SETD9: variants seen among roughly 807,000 people sequenced by gnomAD.
The protein encoded by SETD9 is SET domain containing 9.
A neutral mutation model predicts 36.4 loss-of-function variants in SETD9; 37 were observed. The ratio of observed to expected loss-of-function variants is 1.02; its 90% confidence interval spans 0.78 to 1.34. The LOEUF (loss-of-function observed/expected upper bound fraction) is 1.34. Ranked by LOEUF, SETD9 falls within the 40% of genes most tolerant of loss-of-function variation. The probability of loss-of-function intolerance (pLI) is 0.00; values close to 1 mark genes in which losing one functional copy is unlikely to be tolerated. For synonymous variants in SETD9, 128 were observed against 132.9 expected, an observed-to-expected ratio of 0.96 and a Z score of 0.26; for missense variants, 323 against 353.2, an observed-to-expected ratio of 0.91 and a Z score of 0.69.
At chr5:56,910,883 C>T (rs1008691227) in intron 1 of SETD9, 3 of 211,878 alleles carry the variant, frequency 1.4e-5, no homozygotes, top group South Asian at 2.0e-4. Flanking sequence ...AACAAGTTCC[C>T]TAACAATTTT....
downstream of SETD9, chr5:56,917,349 T>C (rs1749481458): frequency 5.1e-6 from 5 of 979,802 alleles, no homozygotes; most frequent in South Asian, 2.4e-4. Flanking sequence ...CATGAGTAAA[T>C]TGGTGTGTCT....
At chr5:56,928,799 C>CA (rs1750127445), downstream of SETD9, 1 of 1,613,404 alleles carries the variant, frequency 6.2e-7, no homozygotes, top group South Asian at 1.1e-5. Context: ...AAATCTTTTC[C>CA]AAAAAGCATG....
intron 5 of SETD9, 76 bp downstream of exon 5, chr5:56,915,042 A>G: frequency 8.8e-7 from 1 of 1,131,630 alleles, no homozygotes; most frequent in Non-Finnish European, 1.2e-6. Flanking sequence ...AAAGCTATGT[A>G]GAATTTGGGG....
intron 1 of SETD9, 119 bp downstream of exon 1, chr5:56,909,862 C>A: frequency 1.1e-5 from 1 of 90,294 alleles, no homozygotes; most frequent in Non-Finnish European, 1.7e-5. Flanking sequence ...TGGGCGGGCC[C>A]GGGTGGGCAG....
chr5:56,909,547 G>A, upstream of SETD9: 2 of 856,112 alleles, frequency 2.3e-6, no homozygotes, highest in South Asian at 3.9e-5. Context: ...CCAGGGGAAG[G>A]CGGCCGAGCG....
intron 4 of SETD9, 120 bp from the exon 5 acceptor site, chr5:56,914,741 A>ACTACTAT (rs1389298768): frequency 3.9e-6 from 2 of 507,830 alleles, no homozygotes; most frequent in Admixed American, 6.9e-5. Context: ...ACATAGTAGT[A>ACTACTAT]ATTATTTTGA....
chr5:56,920,290 CAACT>C (rs1437588307), downstream of SETD9: 2 of 152,396 alleles, frequency 1.3e-5, no homozygotes, highest in African/African-American at 2.4e-5. Flanking sequence ...AGATGAAGTA[CAACT>C]AACAAATGTA....
In SETD9 at chr5:56,914,966, G is replaced by A. The variant is rs1050743681; in HGVS notation, c.812G>A (p.Ser271Asn). 12 of 1,578,840 alleles carry A rather than the reference G, an allele frequency of 7.6e-6. 1 individual carries two copies. The highest frequency in any genetic ancestry group is 1.7e-5 in the Admixed American group (1 of 59,138). ...ATTGCCTACAGCTATGACAAACAAA[G>A]GTTCGTTTGCTAAAAGAGCATTTCA... is the stretch of plus-strand genomic sequence containing the variant. The part of the protein sequence containing the change: ...PNIAYSYDKQ[S>N]PLRCVVLVAL... Residue 271 changes from serine to asparagine, a missense_variant and splice_region_variant, in exon 5 of 6, where the codon AGC becomes AAC. Coordinates refer to ENST00000285947, the MANE Select transcript of SETD9 (RefSeq NM_153706.4).
At chr5:56,913,194 A>C (rs1749241977) in intron 3 of SETD9, 60 bp downstream of exon 3, 2 of 1,540,394 alleles carry the variant, frequency 1.3e-6, no homozygotes, top group Admixed American at 3.7e-5. Flanking sequence ...TACCACAATG[A>C]TTATGACTAA....
At chr5:56,928,552 A>C (rs1750115067), downstream of SETD9, 1 of 361,232 alleles carries the variant, frequency 2.8e-6, no homozygotes, top group Non-Finnish European at 5.0e-6. Context: ...TTTCTGTGTC[A>C]ACTGTTTATG....
At chr5:56,921,465 T>C (rs1408137867), downstream of SETD9, 1 of 152,620 alleles carries the variant, frequency 6.6e-6, no homozygotes, top group African/African-American at 2.4e-5. Flanking sequence ...TTAATTTAAC[T>C]ACTTTTTGTC....
rs749507111 is a variant in SETD9, at chr5:56,911,337, A to G, written c.267A>G (p.Leu89=). The stretch of plus-strand genomic sequence containing the variant: ...CTGTTAAATCAAAATATCAAGACCT[A>G]CTGGCAGTTGAACATCAAGGGGTGA... ...PESVKSKYQD[L]LAVEHQGVKL... is the part of the protein sequence containing the mutation. The change falls in exon 2 of 6, where the codon CTA becomes CTG. Residue 89 remains leucine (L), a synonymous_variant. Coordinates refer to ENST00000285947, the MANE Select transcript of SETD9 (RefSeq NM_153706.4). 6.2e-7 allele frequency: 1 copy of G among 1,611,730 alleles called. No homozygotes were observed. Among genetic ancestry groups the G allele is most frequent in the Admixed American group, 1.7e-5 (1 of 59,478 alleles).
intron 1 of SETD9, 58 bp downstream of exon 1, chr5:56,909,801 A>G: frequency 7.7e-7 from 1 of 1,301,588 alleles, no homozygotes. Context: ...AGACGCCACC[A>G]CGGCGGCGGG....
At chr5:56,921,951 C>T (rs1410371293), downstream of SETD9, 1 of 152,580 alleles carries the variant, frequency 6.6e-6, no homozygotes, top group African/African-American at 2.4e-5. Context: ...AAAAATAAAA[C>T]TGAGTTTGAG....
At chr5:56,917,945 C>T (rs931296748), downstream of SETD9, among the ~76,000 whole-genome samples, 1 of 152,312 alleles carries the variant, frequency 6.6e-6, no homozygotes, top group Non-Finnish European at 1.5e-5. Flanking sequence ...TTCTGATTAC[C>T]TTCACTTCCT....
intron 1 of SETD9, chr5:56,910,387 G>T (rs1257393740): frequency 1.5e-6 from 2 of 1,303,952 alleles, no homozygotes; most frequent in Non-Finnish European, 2.0e-6. Flanking sequence ...GGTGGGTTTC[G>T]GATTGGGGTG....
chr5:56,913,675 C>T (rs547045668), intron 3 of SETD9, among the ~76,000 whole-genome samples, 199 bp from the exon 4 acceptor site: 29 of 152,152 alleles, frequency 1.9e-4, no homozygotes, highest in Admixed American at 7.9e-4. Context: ...TGAGCCACTG[C>T]GCCTGGCCAG....
chr5:56,917,370 T>TAA, downstream of SETD9: 10 of 948,772 alleles, frequency 1.1e-5, no homozygotes, highest in Non-Finnish European at 1.3e-5. Context: ...ATGTATAATG[T>TAA]AAAGATTGCT....
In SETD9 at chr5:56,911,257, C is replaced by T. The variant is rs1326349630; in HGVS notation, c.187C>T (p.Leu63=). The T allele has an allele frequency of 1.9e-6, 3 of 1,608,854 alleles. No homozygotes were observed. Among genetic ancestry groups the T allele is most frequent in the Admixed American group, 3.4e-5 (2 of 58,964 alleles). Residue 63 remains leucine (L), a synonymous_variant, in exon 2 of 6, where the codon CTA becomes TTA. Coordinates refer to ENST00000285947, the MANE Select transcript of SETD9 (RefSeq NM_153706.4). ...LGTLLKVFQA[L]FLNDFNKQSE... is the part of the protein sequence containing the mutation. ...AACATTACTGAAAGTTTTCCAGGCT[C>T]TATTCTTAAATGATTTCAATAAACA...
Sources: gnomAD v4.1 joint callset for allele counts (sites outside exome capture counted in the v4.1 genomes callset) on GRCh38, gnomAD v4.1.1 for gene constraint, MANE v1.5 for transcripts, NCBI Gene and HGNC (gene_info 2026-07-23, HGNC 2026-07-21) for gene names.